PSD2: variants seen among roughly 807,000 people sequenced by gnomAD.
PSD2 encodes the protein PH and SEC7 domain-containing protein 2.
Under a neutral mutation model 69.8 loss-of-function variants are expected in PSD2, and 38 were observed. That is an observed-to-expected ratio of 0.54 (90% CI 0.42 to 0.71). The LOEUF (loss-of-function observed/expected upper bound fraction) is 0.71. PSD2 is among the 30% of genes least tolerant of loss of function. The pLI, the probability that PSD2 is intolerant of heterozygous loss-of-function variation, is 0.00. For missense variants in PSD2, 943 were observed against 1,014.5 expected (o/e 0.93, Z 0.96); for synonymous variants, 412 against 423.0 (o/e 0.97, Z 0.32).
At chr5:139,782,087 C>T in the PSD2 span, among the ~76,000 whole-genome samples, 1 of 152,228 alleles carries the variant, frequency 6.6e-6, no homozygotes, top group African/African-American at 2.4e-5. Flanking sequence ...CTCCCAGTGG[C>T]CCTTCACAGG....
At chr5:139,782,856 A>T in the PSD2 span, among the ~76,000 whole-genome samples, 1 of 152,142 alleles carries the variant, frequency 6.6e-6, no homozygotes, top group Non-Finnish European at 1.5e-5. Flanking sequence ...ATAGCATAAG[A>T]TTTACCACTT....
chr5:139,775,383 G>GCCCATCTGCGGCA, the PSD2 span: 22 of 152,448 alleles, frequency 1.4e-4, no homozygotes, highest in Admixed American at 9.8e-4. Context: ...GGTCAGGGGC[G>GCCCATCTGCGGCA]CCCATCTGCG....
the PSD2 span, among the ~76,000 whole-genome samples, chr5:139,761,671 C>G: frequency 7.9e-5 from 12 of 152,186 alleles, no homozygotes; most frequent in African/African-American, 2.4e-4. Flanking sequence ...TTTCCATGAC[C>G]CTTGCTTGGA....
upstream of PSD2, among the ~76,000 whole-genome samples, chr5:139,795,539 G>A (rs561184791): frequency 6.6e-6 from 1 of 152,264 alleles, no homozygotes; most frequent in South Asian, 2.1e-4. This position sits in a 1 kb window ranked among gnomAD's most constrained non-coding sequence, Gnocchi z 4.5. Context: ...AGCGTGGCTA[G>A]GAGGGGGCAG....
chr5:139,806,638 C>T (rs1277188526), intron 1 of PSD2, among the ~76,000 whole-genome samples: 4 of 152,136 alleles, frequency 2.6e-5, no homozygotes, highest in Admixed American at 2.6e-4. Flanking sequence ...TGGGGGAGAA[C>T]AGAGGTGATG....
intron 5 of PSD2, among the ~76,000 whole-genome samples, chr5:139,821,596 G>A (rs577840501): frequency 3.3e-5 from 5 of 152,326 alleles, no homozygotes; most frequent in Non-Finnish European, 7.3e-5. Context: ...AAGAGCAGGT[G>A]CTGAGGTGCT....
chr5:139,812,765 C>G (rs752950488), intron 2 of PSD2, among the ~76,000 whole-genome samples: 4 of 152,126 alleles, frequency 2.6e-5, no homozygotes, highest in Non-Finnish European at 5.9e-5. Flanking sequence ...AAATTATGAC[C>G]CAGTGTGACA....
At chr5:139,829,280 G>A (rs1330497639) in intron 7 of PSD2, among the ~76,000 whole-genome samples, 2 of 152,164 alleles carry the variant, frequency 1.3e-5, no homozygotes, top group Admixed American at 1.3e-4. Context: ...TTCTATATGT[G>A]CCAGTAAGGT....
chr5:139,762,191 C>A, the PSD2 span, among the ~76,000 whole-genome samples: 4 of 151,972 alleles, frequency 2.6e-5, no homozygotes, highest in African/African-American at 9.7e-5. Flanking sequence ...TATAGGTGTG[C>A]ACCACCATGC....
chr5:139,787,024 T>C, the PSD2 span, among the ~76,000 whole-genome samples: 1 of 152,116 alleles, frequency 6.6e-6, no homozygotes, highest in African/African-American at 2.4e-5. Flanking sequence ...TCCACGAGCA[T>C]CCGAACCGGG....
At chr5:139,771,915 C>G in the PSD2 span, among the ~76,000 whole-genome samples, 1 of 152,232 alleles carries the variant, frequency 6.6e-6, no homozygotes, top group Admixed American at 6.5e-5. Flanking sequence ...AAGGGCAGGG[C>G]CTGCAGAGGG....
In PSD2 at chr5:139,813,470, C is replaced by T. The variant is rs747926276; in HGVS notation, c.533C>T (p.Ala178Val). 2 of 1,613,734 alleles carry T rather than the reference C, an allele frequency of 1.2e-6. No homozygotes were observed. The highest frequency in any genetic ancestry group is 1.1e-5 in the South Asian group (1 of 91,046). Residue 178 changes from alanine (A) to valine (V), a missense_variant, in exon 3 of 15, where the codon GCC becomes GTC. Coordinates refer to ENST00000274710, the MANE Select transcript of PSD2 (RefSeq NM_032289.4). ...DESDSCVSFEAPLTPLIQQRA... is the reference protein window; with the variant it reads ...DESDSCVSFEVPLTPLIQQRA... ...AGCGACAGCTGCGTCAGCTTCGAGG[C>T]CCCCCTCACACCCCTCATCCAGCAG... is the stretch of plus-strand genomic sequence containing the variant.
At chr5:139,819,007 A>C (rs1760191021) in intron 5 of PSD2, among the ~76,000 whole-genome samples, 1 of 152,122 alleles carries the variant, frequency 6.6e-6, no homozygotes, top group Admixed American at 6.5e-5. Flanking sequence ...TAACTCCAGT[A>C]TCTATCATCT....
the PSD2 span, chr5:139,745,228 G>A: frequency 6.6e-6 from 1 of 152,302 alleles, no homozygotes; most frequent in Non-Finnish European, 1.5e-5. Flanking sequence ...ATGTAGAGTT[G>A]AGTGACAGAG....
intron 8 of PSD2, 70 bp downstream of exon 8, chr5:139,833,861 C>A: frequency 8.3e-7 from 1 of 1,200,168 alleles, no homozygotes; most frequent in Non-Finnish European, 1.2e-6. Context: ...GAGGTCTGTG[C>A]CTCGTGAAAT....
the PSD2 span, among the ~76,000 whole-genome samples, chr5:139,766,937 C>CTT: frequency 3.3e-3 from 245 of 74,818 alleles, 10 homozygotes; most frequent in African/African-American, 0.014. Flanking sequence ...TCCCTTCTTT[C>CTT]TTTCTTTCTT....
rs577662249 is a variant in PSD2 at position 139,817,713 on chromosome 5, C to G, written c.1097+152C>G. On this transcript the variant is annotated intron_variant, in intron 5 of 14. Transcript: ENST00000274710. Reference sequence around the variant, plus strand: ...GGGGAAGGGGCCACAGGAGCAGCAGCGGCCCAACAGTTAGGCGAGTGCCCA... The same window carrying G: ...GGGGAAGGGGCCACAGGAGCAGCAGGGGCCCAACAGTTAGGCGAGTGCCCA... The G allele has an allele frequency of 1.2e-4, 77 of 654,448 alleles. No homozygotes were observed. In the Admixed American group the frequency reaches 1.6e-3, roughly 13 times the overall value. 40.5% of individuals were successfully genotyped at this position (654,448 alleles called of 1,614,324 possible). A position where few individuals can be genotyped will look rare whatever the true frequency, so the allele number is the denominator to read the frequency against.
chr5:139,842,248 C>A (rs761357355), intron 14 of PSD2, 23 bp from the exon 15 acceptor site: 2 of 1,607,010 alleles, frequency 1.2e-6, no homozygotes, highest in Non-Finnish European at 1.7e-6. Flanking sequence ...TGTCTTTTGA[C>A]CTTGTGTTTG....
chr5:139,812,129 G>A (rs1007966859), intron 2 of PSD2, among the ~76,000 whole-genome samples: 2 of 152,224 alleles, frequency 1.3e-5, no homozygotes, highest in Non-Finnish European at 1.5e-5. Flanking sequence ...CAAACCCCTT[G>A]CTCTCATGGA....
Sources: gnomAD v4.1 joint callset for allele counts (sites outside exome capture counted in the v4.1 genomes callset) on GRCh38, gnomAD v4.1.1 for gene constraint, Gnocchi (gnomAD v3.1) non-coding constraint, MANE v1.5 for transcripts, NCBI Gene and HGNC (gene_info 2026-07-23, HGNC 2026-07-21) for gene names.